Variants in WDFY4 observed in about 807,000 individuals in gnomAD.
The protein encoded by WDFY4 is WDFY family member 4.
A neutral mutation model predicts 351.9 loss-of-function variants in WDFY4; 169 were observed. The ratio of observed to expected loss-of-function variants is 0.48; its 90% CI spans 0.42 to 0.55. WDFY4 has a LOEUF of 0.55. Among genes scored for constraint, WDFY4 ranks in the 20% least tolerant of loss-of-function variants. The probability of loss-of-function intolerance (pLI) is 0.00; values close to 1 mark genes in which losing one functional copy is unlikely to be tolerated. For missense variants in WDFY4, 3,803 were observed against 3,935.6 expected (o/e 0.97, Z 0.90); for synonymous variants, 1,622 against 1,574.6 (o/e 1.03, Z -0.71).
chr10:48,844,086 G>A (rs528335879), intron 39 of WDFY4, among the ~76,000 whole-genome samples: 6 of 152,360 alleles, frequency 3.9e-5, no homozygotes, highest in Non-Finnish European at 8.8e-5. Flanking sequence ...TGCTGCATGA[G>A]TTACAGCCGC....
chr10:48,957,017 A>G (rs1841622647), intron 51 of WDFY4, 112 bp from the exon 52 acceptor site: 1 of 1,381,556 alleles, frequency 7.2e-7, no homozygotes. Flanking sequence ...GAGGAGAGTA[A>G]ATGAGAGGAG....
At chr10:48,977,008 A>C in intron 59 of WDFY4, 29 bp downstream of exon 59, 2 of 1,328,576 alleles carry the variant, frequency 1.5e-6, no homozygotes, top group Non-Finnish European at 1.9e-6. Context: ...GAATGAGGAC[A>C]TGACACAAGA....
intron 13 of WDFY4, among the ~76,000 whole-genome samples, chr10:48,773,028 GC>G (rs2065919105): frequency 6.6e-6 from 1 of 152,096 alleles, no homozygotes; most frequent in Non-Finnish European, 1.5e-5. Context: ...TGTCTTTATA[GC>G]AGCATGAGAA....
chr10:48,798,463 G>A (rs940577042), intron 24 of WDFY4, among the ~76,000 whole-genome samples: 2 of 152,146 alleles, frequency 1.3e-5, no homozygotes, highest in Non-Finnish European at 2.9e-5. Context: ...TACCACAGAA[G>A]AATGAGCAAT....
chr10:48,873,431 C>A, intron 40 of WDFY4, 60 bp from the exon 41 acceptor site: 1 of 1,470,306 alleles, frequency 6.8e-7, no homozygotes, highest in Non-Finnish European at 9.0e-7. Context: ...AGGTTTGGGG[C>A]CAGGCCCATA....
rs576202553 is a variant in WDFY4 at position 48,720,832 on chromosome 10, G to A, written c.350-429G>A. 7.2e-5 allele frequency among the ~76,000 whole-genome samples: 11 copies of A among 152,330 alleles called. No homozygotes were observed. In the South Asian group the frequency reaches 2.3e-3, roughly 32 times the overall value. ...ATGTGCGCTGGTCCCTGGAGGCAGGGCAGAATTTCACAGTGGCTGAGGGCC... is the reference window on the plus strand; with the variant it reads ...ATGTGCGCTGGTCCCTGGAGGCAGGACAGAATTTCACAGTGGCTGAGGGCC... On this transcript the variant is annotated intron_variant, in intron 3 of 61. Transcript: ENST00000325239.
At chr10:48,849,157 A>AT (rs1376459430) in intron 39 of WDFY4, among the ~76,000 whole-genome samples, 1 of 152,190 alleles carries the variant, frequency 6.6e-6, no homozygotes, top group Non-Finnish European at 1.5e-5. Context: ...TCCTTTATGG[A>AT]TTTTTTGGTT....
chr10:48,788,742 G>A (rs898254633), intron 21 of WDFY4, 67 bp downstream of exon 21: 37 of 1,528,994 alleles, frequency 2.4e-5, no homozygotes, highest in Non-Finnish European at 3.1e-5. Context: ...TTAGCTTTCA[G>A]TGCTTAAGTA....
intron 51 of WDFY4, among the ~76,000 whole-genome samples, chr10:48,947,898 G>C (rs1329291883): frequency 6.6e-6 from 1 of 152,176 alleles, no homozygotes; most frequent in Non-Finnish European, 1.5e-5. Flanking sequence ...AGCTGGGATG[G>C]GCAACAGGCC....
chr10:48,895,183 C>T (rs873030), intron 44 of WDFY4, among the ~76,000 whole-genome samples: 26,656 of 152,194 alleles, frequency 0.18, 3,173 homozygotes, highest in Non-Finnish European at 0.27. Context: ...CAGCACAAGT[C>T]GAAGCTCTTA....
intron 12 of WDFY4, among the ~76,000 whole-genome samples, chr10:48,745,348 C>T (rs2061104625): frequency 1.3e-5 from 2 of 152,110 alleles, no homozygotes; most frequent in African/African-American, 4.8e-5. Context: ...AATGTAGTCC[C>T]TTCTCATAAA....
Position 48,805,335 on chromosome 10 carries a change from G to T in WDFY4, c.4560G>T (p.Pro1520=). Residue 1520 remains proline, a synonymous_variant, in exon 26 of 62, where the codon CCG becomes CCT. Coordinates refer to ENST00000325239, the MANE Select transcript of WDFY4 (RefSeq NM_001394531.1). ...AGCTCATCTTCCTATTCAATGAGCC[G>T]AGCCTCATCCCCTCCAAGATCTCCA... is the stretch of plus-strand genomic sequence containing the variant. ...IPKLIFLFNE[P]SLIPSKISTI... 6.5e-7 allele frequency: 1 copy of T among 1,548,798 alleles called. No individual in the cohort carries two copies. The highest frequency in any genetic ancestry group is 8.7e-7 in the Non-Finnish European group (1 of 1,146,928).
chr10:48,761,983 C>G (rs545686437), intron 13 of WDFY4, among the ~76,000 whole-genome samples: 1 of 152,282 alleles, frequency 6.6e-6, no homozygotes, highest in Admixed American at 6.5e-5. Flanking sequence ...TTGAATGTGG[C>G]CTTACCTTGG....
intron 28 of WDFY4, among the ~76,000 whole-genome samples, chr10:48,808,279 T>C (rs1005884501): frequency 6.6e-6 from 1 of 152,232 alleles, no homozygotes; most frequent in Non-Finnish European, 1.5e-5. Context: ...TGATGTCTTG[T>C]ACTTGGCAGA....
rs1376309565 is a variant in WDFY4 at position 48,820,456 on chromosome 10, C to T, written c.5709+19C>T. 2 of 1,549,804 alleles carry T rather than the reference C, an allele frequency of 1.3e-6. No homozygotes were observed. Among genetic ancestry groups the T allele is most frequent in the East Asian group, 2.4e-5 (1 of 40,884 alleles). ...CCTGGAGGTGGGTTGGAAAAGGTGACATTGGGCCATGTGCTGTGGAGGCTG... is the reference window on the plus strand; with the variant it reads ...CCTGGAGGTGGGTTGGAAAAGGTGATATTGGGCCATGTGCTGTGGAGGCTG... On this transcript the variant is annotated intron_variant, in intron 33 of 61. Coordinates refer to ENST00000325239, the MANE Select transcript of WDFY4 (RefSeq NM_001394531.1).
rs185388837 is a variant in WDFY4 at position 48,877,178 on chromosome 10, A to C, written c.7146A>C (p.Gln2382His). The change falls in exon 43 of 62, where the codon CAA becomes CAC. Residue 2382 changes from glutamine (Q) to histidine (H), a missense_variant. Coordinates refer to ENST00000325239, the MANE Select transcript of WDFY4 (RefSeq NM_001394531.1). ...ELCRERQVILQELLDKEKVTQ... is the reference protein window; with the variant it reads ...ELCRERQVILHELLDKEKVTQ... ...GTCGGGAAAGACAAGTTATTTTACA[A>C]GAGCTTCTTGATAAAGAAAAGGTAA... 6.4e-7 allele frequency: 1 copy of C among 1,551,614 alleles called. No individual in the cohort carries two copies. The highest frequency in any genetic ancestry group is 1.4e-5 in the African/African-American group (1 of 73,174).
intron 25 of WDFY4, among the ~76,000 whole-genome samples, chr10:48,804,269 A>G (rs1217509104): frequency 6.6e-6 from 1 of 152,148 alleles, no homozygotes; most frequent in Non-Finnish European, 1.5e-5. Flanking sequence ...ATGGCTTTCC[A>G]CTCATCCACT....
intron 47 of WDFY4, among the ~76,000 whole-genome samples, chr10:48,919,102 A>G (rs2940718): frequency 0.34 from 50,997 of 151,972 alleles, 9,051 homozygotes; most frequent in Non-Finnish European, 0.39. Context: ...AATTTAAAGG[A>G]GTTGAAATTG....
In WDFY4 at chr10:48,772,402, C is replaced by T. The variant is rs560840842; in HGVS notation, c.2554-2056C>T. Among the ~76,000 whole-genome samples the T allele has an allele frequency of 2.6e-4, 40 of 151,328 alleles. No individual in the cohort carries two copies. The South Asian group carries it at 2.9e-3, about 11-fold the overall frequency. Reference sequence around the variant, plus strand: ...ATGTGCGTGTACCTGTGTGTATGGACGCGTGTGCGTGTGTATGTAAGTAGG... The same window carrying T: ...ATGTGCGTGTACCTGTGTGTATGGATGCGTGTGCGTGTGTATGTAAGTAGG... On this transcript the variant is annotated intron_variant, in intron 13 of 61. Transcript: ENST00000325239.
Sources: gnomAD v4.1 joint callset for allele counts (sites outside exome capture counted in the v4.1 genomes callset) on GRCh38, gnomAD v4.1.1 for gene constraint, MANE v1.5 for transcripts, NCBI Gene and HGNC (gene_info 2026-07-23, HGNC 2026-07-21) for gene names.